ITIH5: variants seen among roughly 807,000 people sequenced by gnomAD.
The protein encoded by ITIH5 is inter-alpha-trypsin inhibitor heavy chain 5, also known as inter-alpha-trypsin inhibitor heavy chain H5.
A neutral mutation model predicts 77.5 loss-of-function variants in ITIH5; 65 were observed. That is an observed-to-expected ratio of 0.84 (90% CI 0.69 to 1.03). The LOEUF (loss-of-function observed/expected upper bound fraction) is 1.03. ITIH5 is among the 50% of genes least tolerant of loss of function. ITIH5 has a pLI of 0.00. For synonymous variants in ITIH5, 525 were observed against 494.3 expected (o/e 1.06, Z -0.82); for missense variants, 1,208 against 1,213.1 (o/e 1.00, Z 0.06).
intron 7 of ITIH5, among the ~76,000 whole-genome samples, chr10:7,605,324 C>T (rs537948599): frequency 2.6e-5 from 4 of 151,700 alleles, no homozygotes; most frequent in South Asian, 2.1e-4. Context: ...CACCCAACTA[C>T]GCCCTCCTCT....
At chr10:7,618,480 C>T (rs927860376) in intron 5 of ITIH5, 2 of 152,158 alleles carry the variant, frequency 1.3e-5, no homozygotes, top group Non-Finnish European at 2.9e-5. Context: ...AAACTACTCA[C>T]GTTTATAAAC....
At chr10:7,637,597 G>A in intron 4 of ITIH5, 119 bp from the exon 5 acceptor site, 1 of 977,390 alleles carries the variant, frequency 1.0e-6, no homozygotes, top group Non-Finnish European at 1.5e-6. Context: ...GAGACCCATG[G>A]GTGTGAGTGT....
At chr10:7,652,429 G>A (rs975929824) in intron 2 of ITIH5, among the ~76,000 whole-genome samples, 26 of 152,216 alleles carry the variant, frequency 1.7e-4, no homozygotes, top group Middle Eastern at 3.4e-3. Flanking sequence ...CTTATCCCAC[G>A]GGTGATGTGG....
intron 5 of ITIH5, among the ~76,000 whole-genome samples, chr10:7,627,330 TAAA>T (rs55799504): frequency 4.8e-4 from 63 of 132,078 alleles, no homozygotes; most frequent in African/African-American, 9.5e-4. Flanking sequence ...GAAGATAAAG[TAAA>T]AAAAAAAAAA....
At chr10:7,573,088 C>T (rs1832337073) in intron 11 of ITIH5, 54 bp downstream of exon 11, 2 of 1,560,360 alleles carry the variant, frequency 1.3e-6, no homozygotes, top group East Asian at 2.2e-5. Context: ...TGGTTTTACA[C>T]TTTTTAAACA....
chr10:7,600,813 C>T lies in ITIH5; in HGVS notation c.940-14744G>A, dbSNP rs1377450520. Among the ~76,000 whole-genome samples, 3 of 152,158 alleles carry T rather than the reference C, an allele frequency of 2.0e-5. No individual in the cohort carries two copies. In the East Asian group the frequency reaches 5.8e-4, roughly 29 times the overall value. The stretch of plus-strand genomic sequence containing the variant: ...GGATCAGTGCCCTTATGAAAGACCC[C>T]AGTGAGCTAGCTAGCTACTCCCTTC... On this transcript the variant is annotated intron_variant, in intron 7 of 13. Coordinates refer to ENST00000397146, the MANE Select transcript of ITIH5 (RefSeq NM_030569.7).
At chr10:7,565,170 C>A (rs1158659922) in intron 13 of ITIH5, among the ~76,000 whole-genome samples, 3 of 111,102 alleles carry the variant, frequency 2.7e-5, no homozygotes, top group Non-Finnish European at 3.9e-5. Context: ...AACACACATA[C>A]ATACACAGGC....
rs903448110 is a variant in ITIH5, at chr10:7,598,461, C to A, written c.940-12392G>T. Among the ~76,000 whole-genome samples the A allele has an allele frequency of 2.6e-4, 39 of 152,172 alleles. 1 individual carries two copies. In the East Asian group the frequency reaches 4.2e-3, roughly 17 times the overall value. ...TTCACTTAGAAGTAAATGTAGAAAA[C>A]ATTTTTCTTTGTTCTCAACATTTTT... On this transcript the variant is annotated intron_variant, in intron 7 of 13. Transcript: ENST00000397146.
intron 5 of ITIH5, among the ~76,000 whole-genome samples, chr10:7,625,507 G>A (rs1037076165): frequency 6.6e-6 from 1 of 152,186 alleles, no homozygotes; most frequent in Admixed American, 6.5e-5. Context: ...GATCACACCT[G>A]TAATCCCAGC....
chr10:7,644,900 C>T (rs560829486), intron 2 of ITIH5, among the ~76,000 whole-genome samples: 2 of 55,768 alleles, frequency 3.6e-5, no homozygotes, highest in Non-Finnish European at 6.4e-5. Context: ...ATATATATCA[C>T]ATATATATAT....
chr10:7,576,569 A>T lies in ITIH5; in HGVS notation c.1862T>A (p.Met621Lys). 6.2e-7 allele frequency: 1 copy of T among 1,613,880 alleles called. No homozygotes were observed. The highest frequency in any genetic ancestry group is 8.5e-7 in the Non-Finnish European group (1 of 1,180,000). The change falls in exon 10 of 14, where the codon ATG (methionine) becomes AAG (lysine). Residue 621 changes from methionine to lysine, a missense_variant. Transcript: ENST00000397146. ...GCGTGGGACCGGCCCCCTCAGCTTCATGGAGGTGAAGGGAGTGAGGAAGCG... is the reference window on the plus strand; with the variant it reads ...GCGTGGGACCGGCCCCCTCAGCTTCTTGGAGGTGAAGGGAGTGAGGAAGCG... ...SYRFLTPFTS[M>K]KLRGPVPRMD...
intron 1 of ITIH5, among the ~76,000 whole-genome samples, chr10:7,657,119 A>T (rs1484677469): frequency 4.4e-5 from 6 of 137,504 alleles, no homozygotes; most frequent in Admixed American, 4.1e-4. Context: ...ACCTTGGCTC[A>T]CTGCAATCTC....
At chr10:7,596,359 C>G (rs1832896995) in intron 7 of ITIH5, among the ~76,000 whole-genome samples, 1 of 152,182 alleles carries the variant, frequency 6.6e-6, no homozygotes, top group Non-Finnish European at 1.5e-5. Flanking sequence ...TAATAAGACC[C>G]TCAGAGGGGA....
intron 8 of ITIH5, among the ~76,000 whole-genome samples, chr10:7,582,744 C>T (rs1206141560): frequency 6.6e-6 from 1 of 152,182 alleles, no homozygotes; most frequent in Non-Finnish European, 1.5e-5. Context: ...CACAGAAAGA[C>T]CATCTTCCCA....
intron 2 of ITIH5, among the ~76,000 whole-genome samples, chr10:7,648,967 A>G (rs1461812606): frequency 1.3e-5 from 2 of 152,200 alleles, no homozygotes; most frequent in Non-Finnish European, 2.9e-5. Flanking sequence ...CAATTCTCCC[A>G]GGAGCCCCTG....
chr10:7,627,548 C>G (rs1213124021), intron 5 of ITIH5, among the ~76,000 whole-genome samples: 1 of 152,084 alleles, frequency 6.6e-6, no homozygotes, highest in Non-Finnish European at 1.5e-5. Flanking sequence ...TCTCTTCTTT[C>G]CAATGACGCT....
intron 7 of ITIH5, among the ~76,000 whole-genome samples, chr10:7,602,979 C>T (rs1303960553): frequency 1.3e-5 from 2 of 152,256 alleles, no homozygotes; most frequent in South Asian, 4.2e-4. Context: ...ATTTGTCTTA[C>T]CAACAGCTGT....
In ITIH5 at chr10:7,569,735, G is replaced by A. The variant is rs538754905; in HGVS notation, c.2082C>T (p.Thr694=). The A allele has an allele frequency of 5.2e-5, 84 of 1,613,010 alleles. No individual in the cohort carries two copies. The highest frequency in any genetic ancestry group is 6.3e-5 in the Non-Finnish European group (74 of 1,179,654). Reference sequence around the variant, plus strand: ...GCTGCCCATCAATGTTGAAGCACACGGTGAGTCTGCTCAGGGGGAAATCCA... The same window carrying A: ...GCTGCCCATCAATGTTGAAGCACACAGTGAGTCTGCTCAGGGGGAAATCCA... ...FVVDFPLSRL[T]VCFNIDGQPG... The change falls in exon 12 of 14, where the codon ACC becomes ACT. Residue 694 remains threonine, a synonymous_variant. Coordinates refer to ENST00000397146, the MANE Select transcript of ITIH5 (RefSeq NM_030569.7).
intron 5 of ITIH5, among the ~76,000 whole-genome samples, chr10:7,628,710 CATGTTGTAG>C (rs1833633770): frequency 1.3e-5 from 2 of 149,684 alleles, no homozygotes; most frequent in African/African-American, 4.9e-5. Flanking sequence ...AGCGTGTGTC[CATGTTGTAG>C]CGTGTGTCCA....
Sources: gnomAD v4.1 joint callset for allele counts (sites outside exome capture counted in the v4.1 genomes callset) on GRCh38, gnomAD v4.1.1 for gene constraint, MANE v1.5 for transcripts, NCBI Gene and HGNC (gene_info 2026-07-23, HGNC 2026-07-21) for gene names.